Variants in CCDC102B observed in about 807,000 individuals in gnomAD.
CCDC102B encodes coiled-coil domain-containing protein 102B.
Under a neutral mutation model 57.4 loss-of-function variants are expected in CCDC102B, and 75 were observed. The observed-to-expected ratio is 1.31, with a 90% CI of 1.08 to 1.58. The LOEUF is 1.58. Among genes scored for constraint, CCDC102B ranks in the 40% most tolerant of loss-of-function variants. CCDC102B has a pLI of 0.00. For synonymous variants in CCDC102B, 206 were observed against 201.9 expected (o/e 1.02, Z -0.17); for missense variants, 636 against 582.6 (o/e 1.09, Z -0.94).
intron 4 of CCDC102B, among the ~76,000 whole-genome samples, chr18:68,870,673 G>C (rs1057276030): frequency 6.6e-6 from 1 of 152,158 alleles, no homozygotes; most frequent in Admixed American, 6.5e-5. Context: ...TATGAAAGAA[G>C]TTGAAAGATC....
At chr18:68,784,259 G>A (rs1385928379) in intron 2 of CCDC102B, among the ~76,000 whole-genome samples, 1 of 152,058 alleles carries the variant, frequency 6.6e-6, no homozygotes, top group South Asian at 2.1e-4. Context: ...TCCAGTCATG[G>A]CAGAAGGCAA....
At chr18:68,747,040 GAACATCCATCATCTC>G (rs1169112358) in intron 2 of CCDC102B, among the ~76,000 whole-genome samples, 4 of 151,954 alleles carry the variant, frequency 2.6e-5, no homozygotes, top group Non-Finnish European at 5.9e-5. Context: ...AGCATAATGA[GAACATCCATCATCTC>G]AACCATTTGT....
chr18:68,896,483 G>A (rs1337904976), intron 5 of CCDC102B, among the ~76,000 whole-genome samples: 3 of 151,856 alleles, frequency 2.0e-5, no homozygotes, highest in Non-Finnish European at 4.4e-5. Flanking sequence ...GGACCACAAA[G>A]TAACTATTTT....
At chr18:68,801,569 A>G (rs2035854471) in intron 1 of CCDC102B, among the ~76,000 whole-genome samples, 1 of 151,182 alleles carries the variant, frequency 6.6e-6, no homozygotes, top group Non-Finnish European at 1.5e-5. Flanking sequence ...TAATATTGAG[A>G]AAAAAAACAT....
rs546985305 is a variant in CCDC102B, at chr18:68,715,286, T to G, written c.-209T>G. On this transcript the variant is annotated 5_prime_UTR_variant, in exon 1 of 4. Coordinates refer to the CCDC102B transcript ENST00000578970. ...TGGGAACCCTGCTTAAGGGCTTTAC[T>G]AGGGAAAACGGTGCTGGTTCACTGG... The G allele has an allele frequency of 4.8e-6, 6 of 1,241,806 alleles. No individual in the cohort carries two copies. The South Asian group carries it at 9.5e-5, about 20-fold the overall frequency. The allele number at this position is 1,241,806 out of a possible 1,614,324, so 76.9% of individuals were successfully genotyped here. A position where few individuals can be genotyped will look rare whatever the true frequency, so the allele number is the denominator to read the frequency against.
chr18:68,818,276 G>A (rs1471008865), intron 1 of CCDC102B, among the ~76,000 whole-genome samples: 1 of 152,084 alleles, frequency 6.6e-6, no homozygotes, highest in African/African-American at 2.4e-5. Context: ...TCTGTTTATC[G>A]TGTCTATTCT....
At chr18:68,930,607 A>G (rs996117912) in intron 6 of CCDC102B, among the ~76,000 whole-genome samples, 2 of 151,840 alleles carry the variant, frequency 1.3e-5, no homozygotes, top group Non-Finnish European at 2.9e-5. Context: ...CTTCTGCTCT[A>G]TCTCTGTTGG....
At chr18:68,938,940 CCT>C (rs1357958624) in intron 6 of CCDC102B, among the ~76,000 whole-genome samples, 1 of 151,420 alleles carries the variant, frequency 6.6e-6, no homozygotes, top group Non-Finnish European at 1.5e-5. Flanking sequence ...TCATCTTTCC[CCT>C]GAGTACTTCA....
chr18:69,032,914 G>A (rs971956842), intron 7 of CCDC102B, among the ~76,000 whole-genome samples: 2 of 152,028 alleles, frequency 1.3e-5, no homozygotes, highest in African/African-American at 4.8e-5. Context: ...ACTCTGAGCT[G>A]CAATAAAGTG....
intron 6 of CCDC102B, among the ~76,000 whole-genome samples, chr18:68,918,812 T>C (rs2041169430): frequency 6.6e-6 from 1 of 152,150 alleles, no homozygotes; most frequent in African/African-American, 2.4e-5. Context: ...GCAAATATAA[T>C]CTTCACAAGC....
chr18:68,785,102 T>C (rs2035152795), intron 2 of CCDC102B, among the ~76,000 whole-genome samples: 1 of 151,848 alleles, frequency 6.6e-6, no homozygotes. Context: ...CTTGCGATAG[T>C]TCACTGAGAA....
chr18:69,029,398 A>G (rs779279414), intron 7 of CCDC102B, among the ~76,000 whole-genome samples: 28 of 152,212 alleles, frequency 1.8e-4, no homozygotes, highest in Non-Finnish European at 3.2e-4. Flanking sequence ...TTAATGTGGC[A>G]TTCTAAATAC....
At chr18:69,048,373 T>C (rs1286354124) in intron 7 of CCDC102B, among the ~76,000 whole-genome samples, 1 of 152,084 alleles carries the variant, frequency 6.6e-6, no homozygotes, top group Non-Finnish European at 1.5e-5. Flanking sequence ...AAAATCTTTC[T>C]AAAAATAAAT....
intron 3 of CCDC102B, among the ~76,000 whole-genome samples, chr18:68,840,264 A>G (rs1470065239): frequency 6.6e-6 from 1 of 152,148 alleles, no homozygotes; most frequent in Non-Finnish European, 1.5e-5. Flanking sequence ...GTATTATATA[A>G]GTATATATTA....
At chr18:68,804,864 C>CTTTTTTTTTTTTTTTTTTTTT (rs202008892) in intron 1 of CCDC102B, among the ~76,000 whole-genome samples, 1 of 140,836 alleles carries the variant, frequency 7.1e-6, no homozygotes, top group African/African-American at 2.6e-5. Flanking sequence ...GGATCAAAAT[C>CTTTTTTTTTTTTTTTTTTTTT]TTTTTTTTTT....
intron 7 of CCDC102B, among the ~76,000 whole-genome samples, chr18:69,035,690 G>T (rs1452595686): frequency 6.6e-6 from 1 of 151,960 alleles, no homozygotes; most frequent in Non-Finnish European, 1.5e-5. Context: ...TTTTCCAGAT[G>T]GAGAGTTCAT....
At chr18:69,030,790 G>A (rs758749349) in intron 7 of CCDC102B, among the ~76,000 whole-genome samples, 5 of 152,118 alleles carry the variant, frequency 3.3e-5, no homozygotes, top group Admixed American at 6.5e-5. Context: ...GCGTAGCTGG[G>A]ACTACAGGTG....
chr18:68,721,849 AAAGT>A (rs1424669271), intron 2 of CCDC102B, among the ~76,000 whole-genome samples: 2 of 152,232 alleles, frequency 1.3e-5, no homozygotes, highest in African/African-American at 4.8e-5. Flanking sequence ...AGCAAAAGCG[AAAGT>A]AAGTTCTGAA....
chr18:68,998,885 C>T (rs2051110046), intron 6 of CCDC102B, among the ~76,000 whole-genome samples: 1 of 151,686 alleles, frequency 6.6e-6, no homozygotes, highest in African/African-American at 2.4e-5. Context: ...TGGCAACACC[C>T]TCACAGACAC....
Sources: gnomAD v4.1 joint callset for allele counts (sites outside exome capture counted in the v4.1 genomes callset) on GRCh38, gnomAD v4.1.1 for gene constraint, MANE v1.5 for transcripts, NCBI Gene and HGNC (gene_info 2026-07-23, HGNC 2026-07-21) for gene names.